WFDC11: variants seen among roughly 807,000 people sequenced by gnomAD.
WFDC11 encodes WAP four-disulfide core domain 11, also known as protein WFDC11.
WFDC11 carries 9 observed loss-of-function variants against 9.9 expected under a neutral mutation model. That is an observed-to-expected ratio of 0.91 (90% CI 0.55 to 1.58). WFDC11 has a LOEUF of 1.58. Among genes scored for constraint, WFDC11 ranks in the 40% most tolerant of loss-of-function variants. The probability of loss-of-function intolerance (pLI) is 0.00; values close to 1 mark genes in which losing one functional copy is unlikely to be tolerated. For synonymous variants in WFDC11, 32 were observed against 33.3 expected (o/e 0.96, Z 0.13); for missense variants, 106 against 101.7 (o/e 1.04, Z -0.18).
In WFDC11 at chr20:45,650,632, A is replaced by G; in HGVS notation, c.-32T>C. On this transcript the variant is annotated 5_prime_UTR_variant, in exon 3 of 5. Coordinates refer to ENST00000324384, the MANE Select transcript of WFDC11 (RefSeq NM_147197.2). ...CTGAATATGTGTTGTCAGAAGGATTATTTTTCTTCCCAGTCGCTGCTAGAG... is the reference window on the plus strand; with the variant it reads ...CTGAATATGTGTTGTCAGAAGGATTGTTTTTCTTCCCAGTCGCTGCTAGAG... The G allele has an allele frequency of 6.3e-7, 1 of 1,581,352 alleles. No individual in the cohort carries two copies. The highest frequency in any genetic ancestry group is 8.7e-7 in the Non-Finnish European group (1 of 1,150,442).
intron 3 of WFDC11, 90 bp downstream of exon 3, chr20:45,650,411 G>T: frequency 9.4e-7 from 1 of 1,060,902 alleles, no homozygotes; most frequent in Non-Finnish European, 1.4e-6. Flanking sequence ...TGGGTCCTGA[G>T]TCAGATACAG....
intron 2 of WFDC11, among the ~76,000 whole-genome samples, chr20:45,665,651 A>G (rs1983172282): frequency 1.3e-5 from 2 of 152,066 alleles, no homozygotes; most frequent in South Asian, 4.1e-4. Flanking sequence ...TCTGTTTGTT[A>G]GTTTTCCTTC....
At chr20:45,669,500 C>T (rs1021014922) in intron 1 of WFDC11, among the ~76,000 whole-genome samples, 1 of 152,140 alleles carries the variant, frequency 6.6e-6, no homozygotes, top group African/African-American at 2.4e-5. Flanking sequence ...TATTGATAGA[C>T]ATCAATACCA....
At chr20:45,666,393 C>A (rs1351525889) in intron 2 of WFDC11, among the ~76,000 whole-genome samples, 2 of 152,234 alleles carry the variant, frequency 1.3e-5, no homozygotes, top group Admixed American at 6.5e-5. Flanking sequence ...TGAGGCGACA[C>A]CCCACCCTGC....
chr20:45,664,356 G>A (rs1983141653), intron 2 of WFDC11, among the ~76,000 whole-genome samples: 2 of 152,040 alleles, frequency 1.3e-5, no homozygotes, highest in African/African-American at 4.8e-5. Flanking sequence ...GCACACTGAT[G>A]GGTCTTAACT....
chr20:45,652,158 G>C (rs758993666), intron 2 of WFDC11, among the ~76,000 whole-genome samples: 1 of 152,206 alleles, frequency 6.6e-6, no homozygotes, highest in Non-Finnish European at 1.5e-5. Flanking sequence ...CCTGACCCCC[G>C]AGTAGCCTAA....
intron 2 of WFDC11, among the ~76,000 whole-genome samples, chr20:45,659,735 A>AT (rs1321514191): frequency 6.6e-6 from 1 of 152,138 alleles, no homozygotes; most frequent in Non-Finnish European, 1.5e-5. Flanking sequence ...CCATTTGTCA[A>AT]TTTTGGCTTT....
chr20:45,650,476 C>T (rs777827047), intron 3 of WFDC11, 25 bp downstream of exon 3: 1 of 1,593,548 alleles, frequency 6.3e-7, no homozygotes, highest in Non-Finnish European at 8.6e-7. Flanking sequence ...CCTCCTGTGG[C>T]CCCTAATCCA....
intron 2 of WFDC11, among the ~76,000 whole-genome samples, chr20:45,663,101 T>C (rs146596119): frequency 0.014 from 2,185 of 152,254 alleles, 24 homozygotes; most frequent in South Asian, 0.038. Flanking sequence ...TTTCAAAGCC[T>C]GTTATTAGTA....
intron 2 of WFDC11, among the ~76,000 whole-genome samples, chr20:45,657,326 C>T (rs1242150865): frequency 5.3e-5 from 8 of 151,194 alleles, no homozygotes; most frequent in Admixed American, 2.0e-4. Flanking sequence ...AGCAAACTAT[C>T]GCAAGGACAA....
chr20:45,658,002 TTATA>T (rs1357216798), intron 2 of WFDC11, among the ~76,000 whole-genome samples: 1 of 152,304 alleles, frequency 6.6e-6, no homozygotes, highest in Non-Finnish European at 1.5e-5. Context: ...TAAAACAAAA[TTATA>T]TAAGCTTGCT....
At position 45,650,247 on chromosome 20, in the gene WFDC11, TAGAGAG is replaced by T. The variant is rs1555803261; in HGVS notation, c.100+248_100+253del. Among the ~76,000 whole-genome samples the T allele has an allele frequency of 1.6e-4, 24 of 148,928 alleles. 1 individual carries two copies. The highest frequency in any genetic ancestry group is 6.7e-4 in the Admixed American group (10 of 14,850). ...ACACACACATGTGTTTGTATATATA[TAGAGAG>T]AGAGAGAGAGAGACAGAGAGAGAGA... On this transcript the variant is annotated intron_variant, in intron 3 of 4. Coordinates refer to ENST00000324384, the MANE Select transcript of WFDC11 (RefSeq NM_147197.2).
At chr20:45,650,049 G>A (rs1311583544) in intron 3 of WFDC11, among the ~76,000 whole-genome samples, 1 of 152,160 alleles carries the variant, frequency 6.6e-6, no homozygotes, top group Non-Finnish European at 1.5e-5. Flanking sequence ...CTAAGGGTAT[G>A]TATTAAGAAA....
At chr20:45,649,235 A>G in intron 4 of WFDC11, 22 bp downstream of exon 4, 1 of 1,613,758 alleles carries the variant, frequency 6.2e-7, no homozygotes, top group East Asian at 2.2e-5. Flanking sequence ...ATATACACCC[A>G]AGCAAACATC....
chr20:45,664,910 C>T (rs916732440), intron 2 of WFDC11, among the ~76,000 whole-genome samples: 6 of 152,102 alleles, frequency 3.9e-5, no homozygotes, highest in South Asian at 2.1e-4. Flanking sequence ...TTGCTCTTCT[C>T]GAGGAGTGTC....
rs1160952085 is a variant in WFDC11, at chr20:45,648,568, G to A, written c.*151C>T. 1.3e-6 allele frequency: 1 copy of A among 796,838 alleles called. No individual in the cohort carries two copies. Among genetic ancestry groups the A allele is most frequent in the Non-Finnish European group, 2.0e-6 (1 of 498,372 alleles). The allele number at this position is 796,838 out of a possible 1,614,324, so 49.4% of individuals were successfully genotyped here. ...CTGAAAAAAGGCAAGGCCACTACTG[G>A]TAAATAAGTTTATTTGTCAAGTGTT... On this transcript the variant is annotated 3_prime_UTR_variant, in exon 5 of 5. Transcript: ENST00000324384.
At chr20:45,668,479 G>A (rs556251499) in intron 1 of WFDC11, among the ~76,000 whole-genome samples, 22 of 143,046 alleles carry the variant, frequency 1.5e-4, no homozygotes, top group Admixed American at 6.4e-4. Context: ...ACTTCTCTCC[G>A]TAGGAAAAAA....
At chr20:45,658,140 C>T (rs1384972688) in intron 2 of WFDC11, among the ~76,000 whole-genome samples, 2 of 152,116 alleles carry the variant, frequency 1.3e-5, no homozygotes, top group Admixed American at 1.3e-4. Context: ...ATGTAATCAT[C>T]ATCACAATCT....
intron 2 of WFDC11, among the ~76,000 whole-genome samples, chr20:45,660,869 A>G (rs548538126): frequency 2.0e-5 from 3 of 152,338 alleles, no homozygotes; most frequent in East Asian, 1.9e-4. Context: ...TAGTGCCTCA[A>G]TAAACATACG....
Sources: gnomAD v4.1 joint callset for allele counts (sites outside exome capture counted in the v4.1 genomes callset) on GRCh38, gnomAD v4.1.1 for gene constraint, MANE v1.5 for transcripts, NCBI Gene and HGNC (gene_info 2026-07-23, HGNC 2026-07-21) for gene names.